The following SLC8A3 variants were observed in gnomAD, a reference collection of about 807,000 sequenced individuals.
The protein encoded by SLC8A3 is solute carrier family 8 member A3, also known as sodium/calcium exchanger 3.
In SLC8A3, 37 loss-of-function variants were observed where a neutral mutation model predicts 65.4. That is an observed-to-expected ratio of 0.57 (90% confidence interval 0.44 to 0.74). The LOEUF (loss-of-function observed/expected upper bound fraction) is 0.74, where lower values mean the gene tolerates loss of function less well. Ranked by LOEUF, SLC8A3 falls within the 30% of genes least tolerant of loss-of-function variation. The pLI is 0.00. For synonymous variants in SLC8A3, 461 were observed against 444.5 expected (o/e 1.04, Z -0.47); for missense variants, 1,112 against 1,172.1 (o/e 0.95, Z 0.75).
intron 2 of SLC8A3, among the ~76,000 whole-genome samples, chr14:70,125,086 T>C (rs1894351676): frequency 6.6e-6 from 1 of 152,174 alleles, no homozygotes; most frequent in Non-Finnish European, 1.5e-5. Flanking sequence ...GGTTCATAAA[T>C]TTTTCTAAAC....
At chr14:70,077,748 T>TGGG (rs1890669359) in intron 2 of SLC8A3, among the ~76,000 whole-genome samples, 2 of 152,198 alleles carry the variant, frequency 1.3e-5, no homozygotes, top group African/African-American at 4.8e-5. Flanking sequence ...CAGTACCAAT[T>TGGG]TCTCAAGTTC....
In SLC8A3 at chr14:70,105,635, T is replaced by C. The variant is rs189995704; in HGVS notation, c.1785-44696A>G. Among the ~76,000 whole-genome samples, 671 of 152,304 alleles carry C rather than the reference T, an allele frequency of 4.4e-3. 5 individuals carry two copies. The highest frequency in any genetic ancestry group is 0.015 in the African/African-American group (624 of 41,574). ...CCAAGGAAGCTCTAAGTCCAAATAG[T>C]TTCTCTGGTATATTCTGTTGACCAT... On this transcript the variant is annotated intron_variant, in intron 2 of 6. Coordinates refer to ENST00000356921, the MANE Select transcript of SLC8A3 (RefSeq NM_182932.3).
Position 70,044,837 on chromosome 14 carries a change from C to T in SLC8A3, c.*1110G>A, listed in dbSNP as rs563517963. On this transcript the variant is annotated 3_prime_UTR_variant, in exon 7 of 7. Transcript: ENST00000356921. The stretch of plus-strand genomic sequence containing the variant: ...TGTATAGAGCATTAGGAAGCAAGAG[C>T]GTGGTGAAGCTGACATTTCTCAGGC... 4 of 152,270 alleles carry T rather than the reference C, an allele frequency of 2.6e-5. No homozygotes were observed. Among genetic ancestry groups the T allele is most frequent in the Middle Eastern group, 3.4e-3 (1 of 294 alleles). 9.4% of individuals were successfully genotyped at this position (152,270 alleles called of 1,614,324 possible).
chr14:70,153,134 C>T (rs1443607430), intron 2 of SLC8A3, among the ~76,000 whole-genome samples: 3 of 152,192 alleles, frequency 2.0e-5, no homozygotes, highest in African/African-American at 7.2e-5. Context: ...CTGGTCCTTA[C>T]ACCTGAGAGC....
Position 70,169,697 on chromosome 14 carries a change from G to GGT in SLC8A3, c.-62-1214_-62-1213insAC, listed in dbSNP as rs1423929937. On this transcript the variant is annotated intron_variant, in intron 1 of 6. Coordinates refer to ENST00000356921, the MANE Select transcript of SLC8A3 (RefSeq NM_182932.3). ...AGCTAAAAAAAAAAAAAAGTGGGGG[G>GGT]GGGGGCGATCTTTCTCCCTCTGCTA... Among the ~76,000 whole-genome samples the GGT allele has an allele frequency of 1.2e-3, 173 of 145,910 alleles. 1 individual carries two copies. The highest frequency in any genetic ancestry group is 4.1e-3 in the African/African-American group (164 of 39,854).
chr14:70,053,283 A>G (rs972365080), intron 3 of SLC8A3, among the ~76,000 whole-genome samples: 2 of 152,226 alleles, frequency 1.3e-5, no homozygotes, highest in African/African-American at 2.4e-5. Context: ...GTCAGCAGAC[A>G]TCCTCTAGCA....
intron 2 of SLC8A3, among the ~76,000 whole-genome samples, chr14:70,134,444 AG>A: frequency 6.6e-6 from 1 of 152,218 alleles, no homozygotes; most frequent in Non-Finnish European, 1.5e-5. Flanking sequence ...GATCCTCTCC[AG>A]GTTTGTCCGA....
At chr14:70,182,128 A>T (rs114227770) in intron 1 of SLC8A3, among the ~76,000 whole-genome samples, 4,239 of 152,232 alleles carry the variant, frequency 0.028, 200 homozygotes, top group African/African-American at 0.097. Context: ...GAGGAGTTCA[A>T]ATATAAACTT....
In SLC8A3 at chr14:70,162,241, G is replaced by A. The variant is rs566213040; in HGVS notation, c.1784+4398C>T. Among the ~76,000 whole-genome samples, 5 of 152,326 alleles carry A rather than the reference G, an allele frequency of 3.3e-5. No individual in the cohort carries two copies. The East Asian group carries it at 9.6e-4, about 29-fold the overall frequency. ...ATAAAAGTAAAATGGAGAAGCCTAA[G>A]ATGGGAAAGGGCAGAGAGAACATTG... On this transcript the variant is annotated intron_variant, in intron 2 of 6. Coordinates refer to ENST00000356921, the MANE Select transcript of SLC8A3 (RefSeq NM_182932.3).
At chr14:70,173,207 G>A (rs920863371) in intron 1 of SLC8A3, among the ~76,000 whole-genome samples, 1 of 152,168 alleles carries the variant, frequency 6.6e-6, no homozygotes, top group Non-Finnish European at 1.5e-5. Context: ...TAAGGGTTTA[G>A]GATGGCTGTA....
intron 2 of SLC8A3, among the ~76,000 whole-genome samples, chr14:70,112,445 G>A (rs1367420935): frequency 6.6e-6 from 1 of 152,214 alleles, no homozygotes; most frequent in East Asian, 1.9e-4. Flanking sequence ...AACCCTGACA[G>A]TCTAGGTGGG....
At chr14:70,090,355 G>A (rs996682878) in intron 2 of SLC8A3, among the ~76,000 whole-genome samples, 3 of 151,988 alleles carry the variant, frequency 2.0e-5, no homozygotes, top group Non-Finnish European at 2.9e-5. Flanking sequence ...AAACTATCAC[G>A]TCATATGCGC....
chr14:70,170,053 C>T (rs909897301), intron 1 of SLC8A3, among the ~76,000 whole-genome samples: 18 of 152,146 alleles, frequency 1.2e-4, no homozygotes, highest in Non-Finnish European at 2.4e-4. Flanking sequence ...CTCCAACTCT[C>T]ACTAGTTCTC....
Position 70,169,699 on chromosome 14 carries a change from G to GC in SLC8A3, c.-62-1216_-62-1215insG, listed in dbSNP as rs1283324763. Among the ~76,000 whole-genome samples, 3 of 144,638 alleles carry GC rather than the reference G, an allele frequency of 2.1e-5. 1 individual carries two copies. The highest frequency in any genetic ancestry group is 7.6e-5 in the African/African-American group (3 of 39,464). 94.9% of individuals were successfully genotyped at this position (144,638 alleles called of 152,430 possible). On this transcript the variant is annotated intron_variant, in intron 1 of 6. Transcript: ENST00000356921. ...CTAAAAAAAAAAAAAAGTGGGGGGG[G>GC]GGGCGATCTTTCTCCCTCTGCTACA...
At chr14:70,151,455 T>C (rs1175646940) in intron 2 of SLC8A3, among the ~76,000 whole-genome samples, 1 of 152,176 alleles carries the variant, frequency 6.6e-6, no homozygotes, top group Non-Finnish European at 1.5e-5. Flanking sequence ...GGAACCCCTA[T>C]ATAACAAAGT....
chr14:70,150,648 T>A (rs895494799), intron 2 of SLC8A3, among the ~76,000 whole-genome samples: 5 of 152,138 alleles, frequency 3.3e-5, no homozygotes, highest in African/African-American at 9.7e-5. Context: ...GGCCTTGACA[T>A]CTTCAGCTGT....
chr14:70,060,993 T>C, intron 2 of SLC8A3, 54 bp from the exon 3 acceptor site: 1 of 774,222 alleles, frequency 1.3e-6, no homozygotes, highest in Non-Finnish European at 2.2e-6. Flanking sequence ...GATTGGTTGG[T>C]CACCTGGAGC....
intron 2 of SLC8A3, among the ~76,000 whole-genome samples, chr14:70,112,945 C>T (rs965201067): frequency 9.4e-6 from 1 of 106,672 alleles, no homozygotes; most frequent in Non-Finnish European, 2.0e-5. Context: ...GCCCACTTTA[C>T]TCTGGTATGA....
chr14:70,188,244 T>C (rs2140475772), intron 1 of SLC8A3, 135 bp downstream of exon 1: 1 of 152,616 alleles, frequency 6.6e-6, no homozygotes, highest in East Asian at 1.9e-4. Flanking sequence ...ATATGAATGA[T>C]CTTGAGAAAT....
Sources: gnomAD v4.1 joint callset for allele counts (sites outside exome capture counted in the v4.1 genomes callset) on GRCh38, gnomAD v4.1.1 for gene constraint, MANE v1.5 for transcripts, NCBI Gene and HGNC (gene_info 2026-07-23, HGNC 2026-07-21) for gene names.